The following HPSE variants were observed in gnomAD, a reference collection of about 807,000 sequenced individuals.
The protein encoded by HPSE is endo-glucoronidase.
HPSE carries 48 observed loss-of-function variants against 65.1 expected under a neutral mutation model. That is an observed-to-expected ratio of 0.74 (90% confidence interval 0.58 to 0.94). HPSE has a LOEUF of 0.94. Ranked by LOEUF, HPSE falls within the 40% of genes least tolerant of loss-of-function variation. The pLI is 0.00. For missense variants in HPSE, 644 were observed against 637.5 expected (o/e 1.01, Z -0.11); for synonymous variants, 243 against 260.0 (o/e 0.93, Z 0.63).
intron 3 of HPSE, among the ~76,000 whole-genome samples, chr4:83,314,261 A>AAAAAAAAC (rs1736538192): frequency 1.9e-5 from 1 of 53,222 alleles, no homozygotes. Context: ...CTGTCTCAAA[A>AAAAAAAAC]AAAAAAACAA....
At chr4:83,332,722 A>G (rs937906351) in intron 1 of HPSE, among the ~76,000 whole-genome samples, 4 of 152,134 alleles carry the variant, frequency 2.6e-5, no homozygotes, top group Non-Finnish European at 5.9e-5. Context: ...GGGGAGCTTG[A>G]CTGCTGGGTG....
At chr4:83,330,003 T>C (rs933031646) in intron 1 of HPSE, among the ~76,000 whole-genome samples, 3 of 151,716 alleles carry the variant, frequency 2.0e-5, no homozygotes, top group Admixed American at 6.6e-5. Context: ...GTAGGGAAGC[T>C]ACCCGCCTTC....
At position 83,293,550 on chromosome 4, in the gene HPSE, C is replaced by G. The variant is rs1323514862; in HGVS notation, c.*1794G>C. 6.6e-6 allele frequency: 1 copy of G among 152,194 alleles called. No individual in the cohort carries two copies. The highest frequency in any genetic ancestry group is 1.9e-4 in the East Asian group (1 of 5,198). 9.4% of individuals were successfully genotyped at this position (152,194 alleles called of 1,614,324 possible). On this transcript the variant is annotated 3_prime_UTR_variant, in exon 12 of 12. Coordinates refer to ENST00000311412, the MANE Select transcript of HPSE (RefSeq NM_001098540.3). Reference sequence around the variant, plus strand: ...ATATACATTTCCTTATTGCTTAAGCCATTTGAATTAGGAGTTTCTGTTACT... The same window carrying G: ...ATATACATTTCCTTATTGCTTAAGCGATTTGAATTAGGAGTTTCTGTTACT...
At chr4:83,322,759 T>TAC (rs1299544204) in intron 1 of HPSE, among the ~76,000 whole-genome samples, 1 of 151,358 alleles carries the variant, frequency 6.6e-6, no homozygotes, top group Non-Finnish European at 1.5e-5. Context: ...CTGAGGGCAA[T>TAC]TTGTAGCTCT....
At chr4:83,328,513 C>T (rs1737236222) in intron 1 of HPSE, among the ~76,000 whole-genome samples, 1 of 152,202 alleles carries the variant, frequency 6.6e-6, no homozygotes, top group South Asian at 2.1e-4. Context: ...GTTAGGACTT[C>T]TAATATGGAT....
intron 4 of HPSE, among the ~76,000 whole-genome samples, chr4:83,311,712 T>C (rs886987919): frequency 1.3e-5 from 2 of 148,530 alleles, no homozygotes; most frequent in East Asian, 4.0e-4. Context: ...AGCCCAGGAG[T>C]TGGAGGTTAC....
chr4:83,333,701 A>G (rs1420377121), intron 1 of HPSE, among the ~76,000 whole-genome samples: 1 of 152,186 alleles, frequency 6.6e-6, no homozygotes, highest in African/African-American at 2.4e-5. Flanking sequence ...TAGAGCTGAT[A>G]AGGCAGCACC....
intron 8 of HPSE, among the ~76,000 whole-genome samples, chr4:83,308,257 A>G (rs934263475): frequency 6.6e-6 from 1 of 152,144 alleles, no homozygotes; most frequent in Non-Finnish European, 1.5e-5. Flanking sequence ...AAAATACAAA[A>G]ATTAGCCCAG....
chr4:83,295,367 C>G lies in HPSE; in HGVS notation c.1609G>C (p.Ala537Pro), dbSNP rs1307525001. Residue 537 changes from alanine to proline, a missense_variant, in exon 12 of 12, where the codon GCC becomes CCC. Physicochemically the swap from Ala to Pro is conservative, Grantham distance 27 (BLOSUM62 -1). Coordinates refer to ENST00000311412, the MANE Select transcript of HPSE (RefSeq NM_001098540.3). The stretch of plus-strand genomic sequence containing the variant: ...TTTCAGATGCAAGCAGCAACTTTGG[C>G]ATTTCTTATCACAAAAAAACTATAT... ...FSYSFFVIRNAKVAACI is the reference protein window; with the variant it reads ...FSYSFFVIRNPKVAACI 4 of 1,608,288 alleles carry G rather than the reference C, an allele frequency of 2.5e-6. No homozygotes were observed. In the South Asian group the frequency reaches 4.4e-5, roughly 18 times the overall value.
chr4:83,316,939 C>G (rs1207719998), intron 3 of HPSE, among the ~76,000 whole-genome samples: 1 of 152,056 alleles, frequency 6.6e-6, no homozygotes, highest in Non-Finnish European at 1.5e-5. Context: ...CTCACTTTGT[C>G]GCCCAGGCTA....
At chr4:83,319,290 C>A (rs1426089859) in intron 3 of HPSE, 54 bp downstream of exon 3, 2 of 1,587,562 alleles carry the variant, frequency 1.3e-6, no homozygotes, top group East Asian at 4.5e-5. Flanking sequence ...CGAGTCCAAC[C>A]TATTCAAATA....
At chr4:83,319,949 G>A (rs1736814128) in intron 2 of HPSE, among the ~76,000 whole-genome samples, 1 of 151,098 alleles carries the variant, frequency 6.6e-6, no homozygotes, top group South Asian at 2.1e-4. Context: ...CAACCCACGA[G>A]GCGGAGGTTG....
intron 6 of HPSE, among the ~76,000 whole-genome samples, chr4:83,309,792 G>A (rs1330447263): frequency 1.3e-5 from 2 of 152,168 alleles, no homozygotes; most frequent in Non-Finnish European, 2.9e-5. Context: ...TGTTCCATGG[G>A]TTAATTGGCA....
At chr4:83,313,403 T>A in intron 3 of HPSE, 116 bp from the exon 4 acceptor site, 2 of 615,416 alleles carry the variant, frequency 3.2e-6, no homozygotes, top group South Asian at 2.7e-5. Context: ...ATTCTAGTTC[T>A]AATAAATGAT....
At chr4:83,297,339 CT>C (rs80243948) in intron 11 of HPSE, among the ~76,000 whole-genome samples, 737 of 140,836 alleles carry the variant, frequency 5.2e-3, no homozygotes, top group Middle Eastern at 7.4e-3. Context: ...CTGTACATAC[CT>C]TTTTTTTTTT....
chr4:83,319,437 C>T lies in HPSE; in HGVS notation c.406G>A (p.Val136Met), dbSNP rs1280850287. Residue 136 changes from valine to methionine, a missense_variant, in exon 3 of 12, where the codon GTG becomes ATG. By Grantham distance (21) the Val-to-Met change is conservative (BLOSUM62 1). Transcript: ENST00000311412. ...CATTCCAACCGTAACTTCTCCTCCA[C>T]ATCAGGAGGGATGGATCCATATTTG... ...ICKYGSIPPDVEEKLRLEWPY... is the reference protein window; with the variant it reads ...ICKYGSIPPDMEEKLRLEWPY... 6.2e-7 allele frequency: 1 copy of T among 1,613,466 alleles called. No individual in the cohort carries two copies.
intron 9 of HPSE, among the ~76,000 whole-genome samples, chr4:83,303,802 T>G (rs1736051640): frequency 6.6e-6 from 1 of 152,194 alleles, no homozygotes; most frequent in Admixed American, 6.5e-5. Context: ...GTGTTGGGAT[T>G]ACAGGTGTGA....
chr4:83,296,530 C>G (rs1735727720), intron 11 of HPSE, among the ~76,000 whole-genome samples: 1 of 151,934 alleles, frequency 6.6e-6, no homozygotes, highest in Non-Finnish European at 1.5e-5. Context: ...CAAAAATTAG[C>G]CGGGCATGGT....
At chr4:83,299,002 T>C (rs1396774304) in intron 11 of HPSE, among the ~76,000 whole-genome samples, 2 of 151,722 alleles carry the variant, frequency 1.3e-5, no homozygotes, top group Admixed American at 6.6e-5. Flanking sequence ...CAAAGAGAAT[T>C]TAGGGGAACA....
Sources: allele counts gnomAD v4.1 joint callset (sites outside exome capture counted in the v4.1 genomes callset), GRCh38; gene constraint gnomAD v4.1.1; transcripts MANE v1.5; gene names NCBI Gene and HGNC (gene_info 2026-07-23, HGNC 2026-07-21).